Variants in PRRC2B observed in about 807,000 individuals in gnomAD.
PRRC2B encodes proline rich coiled-coil 2B, also known as protein PRRC2B.
A neutral mutation model predicts 242.3 loss-of-function variants in PRRC2B; 68 were observed. The ratio of observed to expected loss-of-function variants is 0.28; its 90% confidence interval spans 0.23 to 0.34. The LOEUF is 0.34. PRRC2B is among the 10% of genes least tolerant of loss of function. PRRC2B has a pLI of 1.00. For missense variants in PRRC2B, 2,835 were observed against 2,954.8 expected, an observed-to-expected ratio of 0.96 and a Z score of 0.94; for synonymous variants, 1,228 against 1,173.6, an observed-to-expected ratio of 1.05 and a Z score of -0.95.
chr9:131,430,293 C>CT, intron 2 of PRRC2B, 34 bp downstream of exon 2: 1 of 1,346,572 alleles, frequency 7.4e-7, no homozygotes. Flanking sequence ...GTTCCTCAAA[C>CT]TTTCTCCGAG....
Position 131,482,733 on chromosome 9 carries a change from G to C in PRRC2B, c.5199G>C (p.Gln1733His). ...EQKDSEQGSG[Q>H]SKEHRPGPIG... Reference sequence around the variant, plus strand: ...AGGATTCAGAACAAGGCTCTGGACAGAGCAAGGAGCACAGACCAGGACCCA... The same window carrying C: ...AGGATTCAGAACAAGGCTCTGGACACAGCAAGGAGCACAGACCAGGACCCA... The change falls in exon 22 of 32, where the codon CAG (glutamine) becomes CAC (histidine). Residue 1733 changes from glutamine to histidine, a missense_variant. By Grantham distance (24) the Gln-to-His change is conservative (BLOSUM62 0). This residue lies in a region of PRRC2B where 51 missense variants were observed against 45.1 expected (regional missense o/e 1.13). Transcript: ENST00000683519. The surrounding 1 kb of genome is among the most constrained non-coding windows in gnomAD (Gnocchi z 5.2). 1 of 1,603,654 alleles carries C rather than the reference G, an allele frequency of 6.2e-7. No homozygotes were observed. Among genetic ancestry groups the C allele is most frequent in the East Asian group, 2.2e-5 (1 of 44,756 alleles).
chr9:131,403,515 C>T (rs1463046285), intron 1 of PRRC2B, among the ~76,000 whole-genome samples: 1 of 151,632 alleles, frequency 6.6e-6, no homozygotes, highest in Non-Finnish European at 1.5e-5. Flanking sequence ...CCACGCCTGG[C>T]TAATTTTTTT....
At chr9:131,403,658 A>G (rs1010402267) in intron 1 of PRRC2B, among the ~76,000 whole-genome samples, 1 of 37,016 alleles carries the variant, frequency 2.7e-5, no homozygotes, top group African/African-American at 8.3e-5. Context: ...CCTGGCCCAT[A>G]CTTTAAAAAA....
At chr9:131,479,430 A>C in intron 19 of PRRC2B, 37 bp downstream of exon 19, 1 of 1,600,816 alleles carries the variant, frequency 6.2e-7, no homozygotes, top group Non-Finnish European at 8.5e-7. Context: ...TGTGGCACCC[A>C]AGGTCACATC....
intron 1 of PRRC2B, among the ~76,000 whole-genome samples, chr9:131,403,439 C>T (rs770838824): frequency 2.0e-5 from 3 of 151,754 alleles, no homozygotes; most frequent in Non-Finnish European, 4.4e-5. Flanking sequence ...GCAACCTCCA[C>T]CTCCCAGGTT....
intron 12 of PRRC2B, among the ~76,000 whole-genome samples, chr9:131,467,182 G>A (rs1284688522): frequency 6.6e-6 from 1 of 152,056 alleles, no homozygotes; most frequent in Non-Finnish European, 1.5e-5. Flanking sequence ...TGATCCACCC[G>A]CCTCAGCCTC....
chr9:131,400,907 G>A (rs1461792026), intron 1 of PRRC2B, among the ~76,000 whole-genome samples: 1 of 151,856 alleles, frequency 6.6e-6, no homozygotes, highest in Non-Finnish European at 1.5e-5. Context: ...TGGGGAGGAG[G>A]CCCTGGAGAG....
intron 1 of PRRC2B, among the ~76,000 whole-genome samples, chr9:131,420,485 C>CTCTCTTTCT (rs1837792614): frequency 6.4e-5 from 1 of 15,748 alleles, no homozygotes; most frequent in African/African-American, 1.6e-4. Flanking sequence ...TTCTTTCTTT[C>CTCTCTTTCT]TTTCTTTCTT....
In PRRC2B at chr9:131,464,924, G is replaced by GGCC; in HGVS notation, c.1570_1572dup (p.Ala524dup). On this transcript the variant is annotated inframe_insertion, in exon 12 of 32. Transcript: ENST00000683519. The stretch of plus-strand genomic sequence containing the variant: ...AGCGCCGAGCCCGGGAGGAGAGGCT[G>GGCC]GCCGCCTGTGCTGCCAAACTCAAGC... 1 of 1,613,290 alleles carries GGCC rather than the reference G, an allele frequency of 6.2e-7. No homozygotes were observed. Among genetic ancestry groups the GGCC allele is most frequent in the Non-Finnish European group, 8.5e-7 (1 of 1,179,714 alleles).
chr9:131,387,007 T>C (rs895394952), intron 1 of PRRC2B, among the ~76,000 whole-genome samples: 1 of 149,328 alleles, frequency 6.7e-6, no homozygotes, highest in Non-Finnish European at 1.5e-5. Flanking sequence ...TCTTTCTTTC[T>C]TTCTTTCTTT....
intron 1 of PRRC2B, among the ~76,000 whole-genome samples, chr9:131,394,624 G>T (rs966140236): frequency 2.0e-5 from 3 of 151,202 alleles, no homozygotes; most frequent in African/African-American, 7.3e-5. Flanking sequence ...CCGGAGGGGC[G>T]GGGGTCCCGG....
At chr9:131,431,944 G>A (rs1838188555) in intron 2 of PRRC2B, among the ~76,000 whole-genome samples, 2 of 151,634 alleles carry the variant, frequency 1.3e-5, no homozygotes, top group South Asian at 4.2e-4. Context: ...TAGAGACTGG[G>A]TTATGAGACT....
In PRRC2B at chr9:131,476,123, C is replaced by G; in HGVS notation, c.3994C>G (p.Pro1332Ala). Residue 1332 changes from proline (P) to alanine (A), a missense_variant, in exon 16 of 32, where the codon CCC becomes GCC. Coordinates refer to ENST00000683519, the MANE Select transcript of PRRC2B (RefSeq NM_013318.4). Reference sequence around the variant, plus strand: ...GGGCCTGTGGGGACCCGAGGAGGAGCCCCACCTGCTGGCAGGTCAGTGGCC... The same window carrying G: ...GGGCCTGTGGGGACCCGAGGAGGAGGCCCACCTGCTGGCAGGTCAGTGGCC... Reference protein sequence around the residue: ...SLGLWGPEEEPHLLAGQWPGR... With the variant: ...SLGLWGPEEEAHLLAGQWPGR... The G allele has an allele frequency of 1.2e-6, 2 of 1,610,094 alleles. No homozygotes were observed. The highest frequency in any genetic ancestry group is 1.7e-6 in the Non-Finnish European group (2 of 1,177,516).
In PRRC2B at chr9:131,498,325, T is replaced by G. The variant is rs1473404176; in HGVS notation, c.*2451T>G. 11 of 152,188 alleles carry G rather than the reference T, an allele frequency of 7.2e-5. No homozygotes were observed. Among genetic ancestry groups the G allele is most frequent in the Non-Finnish European group, 1.3e-4 (9 of 68,034 alleles). 9.4% of individuals were successfully genotyped at this position (152,188 alleles called of 1,614,324 possible). A position where few individuals can be genotyped will look rare whatever the true frequency, so the allele number is the denominator to read the frequency against. ...CTCTATTTATATATAATGTCTGAAT[T>G]AATTCTGTGCAGGAAAGGCCAGGAA... On this transcript the variant is annotated 3_prime_UTR_variant, in exon 32 of 32. Transcript: ENST00000683519.
chr9:131,472,249 A>G (rs1943566919), intron 14 of PRRC2B, among the ~76,000 whole-genome samples: 1 of 152,150 alleles, frequency 6.6e-6, no homozygotes. Flanking sequence ...ACCACTCTGA[A>G]AGTCTATGAC....
At chr9:131,375,168 C>T (rs1010542137) in intron 1 of PRRC2B, among the ~76,000 whole-genome samples, 11 of 152,064 alleles carry the variant, frequency 7.2e-5, no homozygotes, top group Non-Finnish European at 1.3e-4. Context: ...TTTGGGAGGC[C>T]GAAGCGGGTG....
At chr9:131,420,433 T>TTTTTTC (rs1437699433) in intron 1 of PRRC2B, among the ~76,000 whole-genome samples, 21 of 132,636 alleles carry the variant, frequency 1.6e-4, no homozygotes, top group Admixed American at 3.8e-4. Flanking sequence ...TCTGCTTTTC[T>TTTTTTC]TTTTTCTTTT....
rs144719331 is a variant in PRRC2B at position 131,489,803 on chromosome 9, C to T, written c.6226-1622C>T. On this transcript the variant is annotated intron_variant, in intron 28 of 31. Transcript: ENST00000683519. ...TCTTTCATGCATCAGATATCCCTTC[C>T]CGTCAGTACACAGACGAGCTGCAGT... 3.7e-4 allele frequency among the ~76,000 whole-genome samples: 57 copies of T among 152,240 alleles called. No individual in the cohort carries two copies. In the East Asian group the frequency reaches 0.01, roughly 27 times the overall value.
Position 131,447,180 on chromosome 9 carries a change from A to G in PRRC2B, c.951A>G (p.Arg317=). The G allele has an allele frequency of 6.2e-7, 1 of 1,613,922 alleles. No homozygotes were observed. The highest frequency in any genetic ancestry group is 8.5e-7 in the Non-Finnish European group (1 of 1,179,870). ...QLRLEPRVPF[R]QFQMNDQDGK... ...GCCTTGAACCTCGAGTTCCTTTTAG[A>G]CAGTTCCAGATGAATGACCAAGACG... Residue 317 remains arginine (R), a synonymous_variant, in exon 8 of 32, where the codon AGA becomes AGG. Coordinates refer to ENST00000683519, the MANE Select transcript of PRRC2B (RefSeq NM_013318.4).
Sources: allele counts gnomAD v4.1 joint callset (sites outside exome capture counted in the v4.1 genomes callset), GRCh38; gene constraint gnomAD v4.1.1; regional missense constraint gnomAD v4.1.1; non-coding constraint Gnocchi (gnomAD v3.1); transcripts MANE v1.5; gene names NCBI Gene and HGNC (gene_info 2026-07-23, HGNC 2026-07-21).